ZNF469: variants seen among roughly 807,000 people sequenced by gnomAD.
ZNF469 encodes zinc finger protein 469.
A neutral mutation model predicts 1.0 loss-of-function variants in ZNF469; 1 was observed. The observed-to-expected ratio is 1.00, with a 90% CI of 0.35 to 4.73. The LOEUF (loss-of-function observed/expected upper bound fraction) is 4.73, where lower values mean the gene tolerates loss of function less well. Ranked by LOEUF, ZNF469 falls within the 30% of genes most tolerant of loss-of-function variation. The pLI is 0.16. For synonymous variants in ZNF469, 2,703 were observed against 2,363.4 expected (o/e 1.14, Z -4.17); for missense variants, 6,100 against 5,356.3 (o/e 1.14, Z -4.33).
the ZNF469 span, among the ~76,000 whole-genome samples, chr16:88,347,774 G>A: frequency 3.1e-3 from 465 of 152,292 alleles, 1 homozygote; most frequent in African/African-American, 0.011. Flanking sequence ...CCCCAAAGGC[G>A]TCTCAAGTCC....
At chr16:88,256,682 A>G in the ZNF469 span, among the ~76,000 whole-genome samples, 6 of 152,126 alleles carry the variant, frequency 3.9e-5, no homozygotes, top group Non-Finnish European at 8.8e-5. Flanking sequence ...GCAATGAGTG[A>G]GAGTTCCTGT....
chr16:88,106,360 C>A, the ZNF469 span, among the ~76,000 whole-genome samples: 1 of 152,234 alleles, frequency 6.6e-6, no homozygotes, highest in Non-Finnish European at 1.5e-5. Context: ...AGAGGCAGTA[C>A]GATAATCTCC....
At chr16:88,279,134 TGCA>T in the ZNF469 span, among the ~76,000 whole-genome samples, 17 of 128,930 alleles carry the variant, frequency 1.3e-4, no homozygotes, top group East Asian at 8.3e-4. Flanking sequence ...CGGTTAGTGC[TGCA>T]CCACGCCGAC....
At chr16:88,399,345 T>A (rs1377971654) in intron 1 of ZNF469, among the ~76,000 whole-genome samples, 1 of 152,228 alleles carries the variant, frequency 6.6e-6, no homozygotes, top group African/African-American at 2.4e-5. Context: ...ATACACTCCA[T>A]GTCTGGATGG....
At chr16:88,153,573 C>T in the ZNF469 span, among the ~76,000 whole-genome samples, 34 of 152,316 alleles carry the variant, frequency 2.2e-4, no homozygotes, top group Admixed American at 1.7e-3. Flanking sequence ...CACGTGCAGG[C>T]GAGAAGGTCA....
At chr16:88,279,398 A>G in the ZNF469 span, among the ~76,000 whole-genome samples, 1 of 149,794 alleles carries the variant, frequency 6.7e-6, no homozygotes, top group East Asian at 2.0e-4. Context: ...ATATCAGTGC[A>G]CGGTTAGTGC....
the ZNF469 span, among the ~76,000 whole-genome samples, chr16:88,105,383 C>A: frequency 6.7e-6 from 1 of 150,180 alleles, no homozygotes; most frequent in Non-Finnish European, 1.5e-5. Flanking sequence ...TGGCTCACTG[C>A]AACCTCTGCC....
the ZNF469 span, among the ~76,000 whole-genome samples, chr16:88,169,458 G>C: frequency 3.3e-4 from 51 of 152,258 alleles, no homozygotes; most frequent in African/African-American, 1.2e-3. The surrounding 1 kb of genome is among the most constrained non-coding windows in gnomAD (Gnocchi z 6.1). Context: ...GCCTGTTCCA[G>C]AACGTCATCG....
the ZNF469 span, among the ~76,000 whole-genome samples, chr16:88,167,309 G>A: frequency 5.9e-5 from 9 of 152,048 alleles, no homozygotes; most frequent in Non-Finnish European, 8.8e-5. Flanking sequence ...TGATCCGCCC[G>A]CCTCGGCCTC....
chr16:88,337,742 C>T, the ZNF469 span, among the ~76,000 whole-genome samples: 1 of 152,326 alleles, frequency 6.6e-6, no homozygotes, highest in Admixed American at 6.5e-5. Context: ...AGCTGTGACG[C>T]ACGTTTCCCT....
At chr16:88,186,431 C>T in the ZNF469 span, among the ~76,000 whole-genome samples, 2 of 152,232 alleles carry the variant, frequency 1.3e-5, no homozygotes, top group Non-Finnish European at 2.9e-5. Context: ...GGGGAGGCTG[C>T]GGCCCATCGT....
chr16:88,172,480 C>T, the ZNF469 span, among the ~76,000 whole-genome samples: 397 of 152,290 alleles, frequency 2.6e-3, 1 homozygote, highest in African/African-American at 9.1e-3. Context: ...TCAGAAAGAT[C>T]GAACTGATTC....
Position 88,430,945 on chromosome 16 carries a change from G to A in ZNF469, c.3475G>A (p.Gly1159Ser). The part of the protein sequence containing the change: ...DGAPANPEEP[G>S]GSRPGPGRSP... ...AGCCCCCGCGAACCCCGAGGAGCCGGGCGGGTCTCGCCCGGGCCCCGGCAG... is the reference window on the plus strand; with the variant it reads ...AGCCCCCGCGAACCCCGAGGAGCCGAGCGGGTCTCGCCCGGGCCCCGGCAG... Residue 1159 changes from glycine (G) to serine (S), a missense_variant, in exon 3 of 3, where the codon GGC (glycine) becomes AGC (serine). Physicochemically the swap from Gly to Ser is moderately conservative, Grantham distance 56 (BLOSUM62 0). Coordinates refer to ENST00000565624, the MANE Select transcript of ZNF469 (RefSeq NM_001367624.2). 1 of 1,535,818 alleles carries A rather than the reference G, an allele frequency of 6.5e-7. No individual in the cohort carries two copies. The highest frequency in any genetic ancestry group is 8.7e-7 in the Non-Finnish European group (1 of 1,145,018).
rs4782300 is a variant in ZNF469, at chr16:88,431,813, C to T, written c.4343C>T (p.Pro1448Leu). Residue 1448 changes from proline to leucine, a missense_variant, in exon 3 of 3, where the codon CCG (proline) becomes CTG (leucine). Pro to Leu is a moderately conservative substitution (Grantham distance 98). Coordinates refer to ENST00000565624, the MANE Select transcript of ZNF469 (RefSeq NM_001367624.2). ...GAGCCAGGCAGGGCTGCATCGCCACCGACCTTGGAGTCCTCATCCCTCTTC... is the reference window on the plus strand; with the variant it reads ...GAGCCAGGCAGGGCTGCATCGCCACTGACCTTGGAGTCCTCATCCCTCTTC... ...ETEPGRAASP[P>L]TLESSSLFPD... is the part of the protein sequence containing the mutation. 1,405,449 of 1,549,724 alleles carry T rather than the reference C, an allele frequency of 0.91. 638,529 individuals carry two copies. Among genetic ancestry groups the T allele is most frequent in the Admixed American group, 0.94 (47,759 of 51,008 alleles).
chr16:88,235,553 G>A, the ZNF469 span, among the ~76,000 whole-genome samples: 3 of 152,228 alleles, frequency 2.0e-5, 1 homozygote, highest in South Asian at 6.2e-4. Flanking sequence ...TGTATCAGGG[G>A]TTTTCAGTAG....
At chr16:88,314,342 G>A in the ZNF469 span, among the ~76,000 whole-genome samples, 1,084 of 148,430 alleles carry the variant, frequency 7.3e-3, 15 homozygotes, top group African/African-American at 0.026. Context: ...TTCAGGCAGC[G>A]CTGGTGTGGG....
chr16:88,242,331 T>C, the ZNF469 span, among the ~76,000 whole-genome samples: 8 of 152,076 alleles, frequency 5.3e-5, no homozygotes, highest in African/African-American at 1.7e-4. Flanking sequence ...AATGCATTTC[T>C]GCACAGCTCT....
the ZNF469 span, among the ~76,000 whole-genome samples, chr16:88,240,544 G>C: frequency 2.6e-5 from 4 of 152,176 alleles, no homozygotes; most frequent in Non-Finnish European, 5.9e-5. Flanking sequence ...CTAATATGCA[G>C]AACGTGGGGT....
At chr16:88,179,780 ATT>A in the ZNF469 span, among the ~76,000 whole-genome samples, 47 of 152,252 alleles carry the variant, frequency 3.1e-4, no homozygotes, top group Non-Finnish European at 6.0e-4. Flanking sequence ...CAGAAAGATA[ATT>A]GACTACCTGA....
Sources: gnomAD v4.1 joint callset for allele counts (sites outside exome capture counted in the v4.1 genomes callset) on GRCh38, gnomAD v4.1.1 for gene constraint, Gnocchi (gnomAD v3.1) non-coding constraint, MANE v1.5 for transcripts, NCBI Gene and HGNC (gene_info 2026-07-23, HGNC 2026-07-21) for gene names.